Variants in EIPR1 observed in about 807,000 individuals in gnomAD.
EIPR1 encodes EARP and GARP complex-interacting protein 1.
EIPR1 carries 25 observed loss-of-function variants against 48.1 expected under a neutral mutation model. The ratio of observed to expected loss-of-function variants is 0.52; its 90% CI spans 0.38 to 0.73. EIPR1 has a LOEUF of 0.73. EIPR1 is among the 30% of genes least tolerant of loss of function. EIPR1 has a pLI of 0.00. For synonymous variants in EIPR1, 204 were observed against 201.9 expected (o/e 1.01, Z -0.09); for missense variants, 415 against 506.2 (o/e 0.82, Z 1.73).
intron 3 of EIPR1, chr2:3,274,370 T>C (rs1667785848): frequency 5.2e-6 from 8 of 1,550,516 alleles, no homozygotes; most frequent in Non-Finnish European, 7.0e-6. Context: ...GTTGGGCAGC[T>C]GACTTCCCAA....
intron 3 of EIPR1, among the ~76,000 whole-genome samples, chr2:3,272,073 C>T (rs1667716709): frequency 1.3e-5 from 2 of 152,232 alleles, no homozygotes; most frequent in African/African-American, 4.8e-5. Context: ...ACCTCGTGAA[C>T]CAACCTCTGC....
chr2:3,211,980 CAATTT>C (rs1370644889), intron 5 of EIPR1, among the ~76,000 whole-genome samples: 1 of 152,216 alleles, frequency 6.6e-6, no homozygotes, highest in African/African-American at 2.4e-5. Context: ...ACGGAATTTC[CAATTT>C]AATTGCAAAA....
At chr2:3,224,731 C>T (rs1666003857) in intron 4 of EIPR1, among the ~76,000 whole-genome samples, 3 of 152,236 alleles carry the variant, frequency 2.0e-5, no homozygotes, top group Non-Finnish European at 1.5e-5. Flanking sequence ...TGCAAGCTCC[C>T]TCAGTAACAG....
At chr2:3,260,529 GGGAGGGAGGGAA>G (rs1558257739) in intron 3 of EIPR1, among the ~76,000 whole-genome samples, 2 of 142,338 alleles carry the variant, frequency 1.4e-5, no homozygotes, top group Admixed American at 7.1e-5. Flanking sequence ...GAGGGAGGGA[GGGAGGGAGGGAA>G]GGAGGGAAGG....
chr2:3,375,465 T>C (rs1427298003), intron 1 of EIPR1, among the ~76,000 whole-genome samples: 1 of 152,144 alleles, frequency 6.6e-6, no homozygotes, highest in African/African-American at 2.4e-5. Context: ...TAAAATCCTC[T>C]GGGTTTTTTG....
At chr2:3,254,905 C>A (rs548345241) in intron 4 of EIPR1, among the ~76,000 whole-genome samples, 1 of 152,320 alleles carries the variant, frequency 6.6e-6, no homozygotes, top group African/African-American at 2.4e-5. Flanking sequence ...ATGCCAGTTT[C>A]CTGTTTGTGA....
rs1188814092 is a variant in EIPR1 at position 3,189,041 on chromosome 2, A to G, written c.*293T>C. 7.1e-6 allele frequency: 2 copies of G among 280,814 alleles called. No homozygotes were observed. Among genetic ancestry groups the G allele is most frequent in the Non-Finnish European group, 1.3e-5 (2 of 151,860 alleles). The allele number at this position is 280,814 out of a possible 1,614,324, so 17.4% of individuals were successfully genotyped here. On this transcript the variant is annotated 3_prime_UTR_variant, in exon 9 of 9. Transcript: ENST00000382125. This position sits in a 1 kb window ranked among gnomAD's most constrained non-coding sequence, Gnocchi z 4.6. ...AAGAGTTACTATTGCAGGAACAGACATTTTTTTAAAAAGCGAAACTCCTGA... is the reference window on the plus strand; with the variant it reads ...AAGAGTTACTATTGCAGGAACAGACGTTTTTTTAAAAAGCGAAACTCCTGA...
chr2:3,296,901 C>T (rs1668618344), intron 3 of EIPR1, among the ~76,000 whole-genome samples: 1 of 152,254 alleles, frequency 6.6e-6, no homozygotes, highest in South Asian at 2.1e-4. Context: ...TCAACCTCAG[C>T]TGTCTAGGAC....
At chr2:3,296,472 T>A in intron 3 of EIPR1, among the ~76,000 whole-genome samples, 1 of 98,610 alleles carries the variant, frequency 1.0e-5, no homozygotes, top group South Asian at 3.8e-4. Flanking sequence ...ACACACACCC[T>A]CCATCCAACC....
At chr2:3,211,982 A>G (rs1268696628) in intron 5 of EIPR1, among the ~76,000 whole-genome samples, 1 of 152,226 alleles carries the variant, frequency 6.6e-6, no homozygotes, top group African/African-American at 2.4e-5. Flanking sequence ...GGAATTTCCA[A>G]TTTAATTGCA....
At chr2:3,238,879 C>T (rs1303080917) in intron 4 of EIPR1, among the ~76,000 whole-genome samples, 2 of 152,212 alleles carry the variant, frequency 1.3e-5, no homozygotes, top group African/African-American at 2.4e-5. Flanking sequence ...TGCCACTCAC[C>T]GTCCACTACC....
chr2:3,230,224 T>C (rs1226241190), intron 4 of EIPR1, among the ~76,000 whole-genome samples: 2 of 152,164 alleles, frequency 1.3e-5, no homozygotes, highest in African/African-American at 4.8e-5. Context: ...TATATAGCAA[T>C]GCAACGAATA....
intron 4 of EIPR1, among the ~76,000 whole-genome samples, chr2:3,233,876 G>C (rs1044368332): frequency 6.6e-6 from 1 of 152,184 alleles, no homozygotes. Flanking sequence ...TCAAAGATAG[G>C]AGTCAAAGTT....
chr2:3,257,894 A>G (rs1285417613), intron 3 of EIPR1, among the ~76,000 whole-genome samples: 2 of 152,198 alleles, frequency 1.3e-5, no homozygotes. Context: ...AGGCACACTG[A>G]GCGATATTCC....
At chr2:3,201,963 G>A (rs927169151) in intron 5 of EIPR1, among the ~76,000 whole-genome samples, 3 of 152,016 alleles carry the variant, frequency 2.0e-5, no homozygotes, top group African/African-American at 7.3e-5. Context: ...TTGAGACGGA[G>A]TCTCACTCTG....
intron 3 of EIPR1, among the ~76,000 whole-genome samples, chr2:3,310,840 TGATA>T (rs570590584): frequency 8.5e-5 from 13 of 152,282 alleles, no homozygotes; most frequent in Admixed American, 3.3e-4. Context: ...TTTGTTACAC[TGATA>T]AATATTTTAT....
intron 4 of EIPR1, among the ~76,000 whole-genome samples, chr2:3,220,473 A>G (rs994955603): frequency 3.9e-5 from 6 of 152,106 alleles, no homozygotes; most frequent in Non-Finnish European, 7.3e-5. Flanking sequence ...TCAGGTGCAC[A>G]TGTGCATGAT....
intron 5 of EIPR1, chr2:3,207,663 G>A (rs560197360): frequency 1.3e-5 from 2 of 152,336 alleles, no homozygotes; most frequent in African/African-American, 4.8e-5. Flanking sequence ...CTTTCTTAAA[G>A]ACGCCTGGTT....
At position 3,335,335 on chromosome 2, in the gene EIPR1, G is replaced by A. The variant is rs184129136; in HGVS notation, c.259+2682C>T. ...GAGCTCTGGATTTTGGCAGTGGGTA[G>A]AGGCTGGGAGGCTTTTGAGGAGCCA... On this transcript the variant is annotated intron_variant, in intron 3 of 8. Transcript: ENST00000382125. Among the ~76,000 whole-genome samples, 13 of 152,312 alleles carry A rather than the reference G, an allele frequency of 8.5e-5. No individual in the cohort carries two copies. The East Asian group carries it at 1.9e-3, about 23-fold the overall frequency.
Sources: gnomAD v4.1 joint callset for allele counts (sites outside exome capture counted in the v4.1 genomes callset) on GRCh38, gnomAD v4.1.1 for gene constraint, Gnocchi (gnomAD v3.1) non-coding constraint, MANE v1.5 for transcripts, NCBI Gene and HGNC (gene_info 2026-07-23, HGNC 2026-07-21) for gene names.